Variants in TXNL1 observed in about 807,000 individuals in gnomAD.
TXNL1 encodes the protein thioredoxin-like protein 1.
Under a neutral mutation model 35.5 loss-of-function variants are expected in TXNL1, and 14 were observed. That is an observed-to-expected ratio of 0.39 (90% CI 0.26 to 0.62). TXNL1 has a LOEUF of 0.62. Among genes scored for constraint, TXNL1 ranks in the 20% least tolerant of loss-of-function variants. TXNL1 has a pLI of 0.47. For synonymous variants in TXNL1, 110 were observed against 115.5 expected, an observed-to-expected ratio of 0.95 and a Z score of 0.31; for missense variants, 263 against 349.7, an observed-to-expected ratio of 0.75 and a Z score of 1.98.
chr18:56,614,989 A>C (rs1196212759), intron 5 of TXNL1, among the ~76,000 whole-genome samples: 1 of 152,238 alleles, frequency 6.6e-6, no homozygotes, highest in Non-Finnish European at 1.5e-5. Flanking sequence ...AGTTTCATAA[A>C]AGAAATAGCA....
At chr18:56,619,555 A>C (rs913220185) in intron 3 of TXNL1, among the ~76,000 whole-genome samples, 3 of 149,988 alleles carry the variant, frequency 2.0e-5, no homozygotes, top group African/African-American at 7.6e-5. Context: ...AAAAAAAAAA[A>C]AAAAATTGTA....
chr18:56,615,261 C>A (rs1255743359), intron 5 of TXNL1, among the ~76,000 whole-genome samples: 2 of 151,632 alleles, frequency 1.3e-5, no homozygotes, highest in African/African-American at 2.4e-5. Context: ...TTTGCTTATA[C>A]AAATACTTTG....
chr18:56,611,683 A>G (rs2144290741), intron 6 of TXNL1, among the ~76,000 whole-genome samples: 1 of 151,900 alleles, frequency 6.6e-6, no homozygotes, highest in East Asian at 2.0e-4. Context: ...CAGAGTCACA[A>G]TTAAATTCTC....
In TXNL1 at chr18:56,603,061, A is replaced by G. The variant is rs1376920875; in HGVS notation, c.841-5T>C. 1 of 1,612,366 alleles carries G rather than the reference A, an allele frequency of 6.2e-7. No homozygotes were observed. Among genetic ancestry groups the G allele is most frequent in the Non-Finnish European group, 8.5e-7 (1 of 1,178,618 alleles). On this transcript the variant is annotated splice_polypyrimidine_tract_variant and splice_region_variant and intron_variant, in intron 7 of 7. Coordinates refer to ENST00000217515, the MANE Select transcript of TXNL1 (RefSeq NM_004786.3). ...TTCTCCTTTTTTGCCAACTACCTAGAAAAACAAAAATAAGTTTATATGTAC... is the reference window on the plus strand; with the variant it reads ...TTCTCCTTTTTTGCCAACTACCTAGGAAAACAAAAATAAGTTTATATGTAC...
chr18:56,629,734 A>C (rs2024341421), intron 1 of TXNL1, among the ~76,000 whole-genome samples: 1 of 152,208 alleles, frequency 6.6e-6, no homozygotes, highest in Non-Finnish European at 1.5e-5. Context: ...CTGCATTTAC[A>C]CAGGTGTCAC....
intron 3 of TXNL1, among the ~76,000 whole-genome samples, chr18:56,618,768 A>C (rs2024131541): frequency 6.6e-6 from 1 of 152,126 alleles, no homozygotes; most frequent in Admixed American, 6.5e-5. Context: ...CTTAAAAAAA[A>C]ACATTCTCAA....
At chr18:56,633,702 T>C (rs963887039) in intron 1 of TXNL1, among the ~76,000 whole-genome samples, 7 of 151,232 alleles carry the variant, frequency 4.6e-5, no homozygotes, top group South Asian at 2.1e-4. Flanking sequence ...ATAAAAACCA[T>C]TGGCTGGGTG....
Position 56,638,398 on chromosome 18 carries a change from G to A in TXNL1, c.43C>T (p.Pro15Ser). The change falls in exon 1 of 8, where the codon CCA (proline) becomes TCA (serine). Residue 15 changes from proline (P) to serine (S), a missense_variant. Physicochemically the swap from Pro to Ser is moderately conservative, Grantham distance 74. Transcript: ENST00000217515. Reference sequence around the variant, plus strand: ...CTGGAGCCCGCGCCGCTCAGCTCTGGCTGGAAATCCGGGTCGCTCCCGACG... The same window carrying A: ...CTGGAGCCCGCGCCGCTCAGCTCTGACTGGAAATCCGGGTCGCTCCCGACG... Reference protein sequence around the residue: ...KPVGSDPDFQPELSGAGSRLA... With the variant: ...KPVGSDPDFQSELSGAGSRLA... 6.2e-7 allele frequency: 1 copy of A among 1,613,630 alleles called. No homozygotes were observed. The highest frequency in any genetic ancestry group is 2.2e-5 in the East Asian group (1 of 44,850).
intron 6 of TXNL1, 140 bp from the exon 7 acceptor site, chr18:56,611,237 C>T (rs895485853): frequency 5.6e-6 from 3 of 534,070 alleles, no homozygotes; most frequent in Non-Finnish European, 9.6e-6. Flanking sequence ...CAGTGGCTCA[C>T]GTCTGTAATC....
At position 56,598,159 on chromosome 18, in the gene TXNL1, T is replaced by C. The variant is rs1433937143; in HGVS notation, c.*4868A>G. The C allele has an allele frequency of 6.6e-6, 1 of 152,216 alleles. No individual in the cohort carries two copies. The highest frequency in any genetic ancestry group is 2.1e-4 in the South Asian group (1 of 4,834). 9.4% of individuals were successfully genotyped at this position (152,216 alleles called of 1,614,324 possible). ...TCCTCAACTGCATATTCCTACTTTA[T>C]CTCTGACTCAACCCAAGCATCTCCC... is the stretch of plus-strand genomic sequence containing the variant. On this transcript the variant is annotated 3_prime_UTR_variant, in exon 8 of 8. Transcript: ENST00000217515.
Position 56,627,910 on chromosome 18 carries a change from T to C in TXNL1, c.99-1453A>G, listed in dbSNP as rs543371129. 2.0e-5 allele frequency among the ~76,000 whole-genome samples: 3 copies of C among 151,000 alleles called. No individual in the cohort carries two copies. In the South Asian group the frequency reaches 6.3e-4, roughly 31 times the overall value. ...GACTATATTTGATAAACTGGAAGAT[T>C]AAAACCTTTTATTCATCAAAAAATG... On this transcript the variant is annotated intron_variant, in intron 1 of 7. Transcript: ENST00000217515.
chr18:56,621,208 T>A (rs1285779415), intron 3 of TXNL1, among the ~76,000 whole-genome samples: 2 of 123,040 alleles, frequency 1.6e-5, no homozygotes, highest in East Asian at 1.9e-4. Context: ...ATATGTATTT[T>A]TTTTTTTTTT....
chr18:56,600,283 T>G lies in TXNL1; in HGVS notation c.*2744A>C, dbSNP rs1048132524. On this transcript the variant is annotated 3_prime_UTR_variant, in exon 8 of 8. Transcript: ENST00000217515. ...GATGGCAGACAGGTTTCAACTCTAA[T>G]TGTTAAGTGGCTGCCTCCAACAGAA... 6.6e-6 allele frequency: 1 copy of G among 152,270 alleles called. No homozygotes were observed. Among genetic ancestry groups the G allele is most frequent in the African/African-American group, 2.4e-5 (1 of 41,446 alleles). The allele number at this position is 152,270 out of a possible 1,614,324, so 9.4% of individuals were successfully genotyped here.
chr18:56,615,906 G>T (rs2024078526), intron 5 of TXNL1, among the ~76,000 whole-genome samples: 1 of 152,094 alleles, frequency 6.6e-6, no homozygotes, highest in South Asian at 2.1e-4. Flanking sequence ...AAGGTGGGTG[G>T]ATCACTTGGG....
rs2023803286 is a variant in TXNL1, at chr18:56,600,951, G to C, written c.*2076C>G. ...CAATGTATCAAAATACAGAGATCAT[G>C]AAATTCTTTTTTGCTATGTCCGACA... On this transcript the variant is annotated 3_prime_UTR_variant, in exon 8 of 8. Coordinates refer to ENST00000217515, the MANE Select transcript of TXNL1 (RefSeq NM_004786.3). 1 of 152,164 alleles carries C rather than the reference G, an allele frequency of 6.6e-6. No homozygotes were observed. Among genetic ancestry groups the C allele is most frequent in the Admixed American group, 6.6e-5 (1 of 15,266 alleles). The allele number at this position is 152,164 out of a possible 1,614,324, so 9.4% of individuals were successfully genotyped here.
intron 1 of TXNL1, among the ~76,000 whole-genome samples, chr18:56,627,268 T>A (rs2024300920): frequency 1.3e-5 from 2 of 152,158 alleles, no homozygotes; most frequent in Non-Finnish European, 2.9e-5. Flanking sequence ...AAAACCTAAA[T>A]AAATGGAGGA....
intron 1 of TXNL1, among the ~76,000 whole-genome samples, chr18:56,634,736 T>G (rs567624162): frequency 6.6e-6 from 1 of 152,294 alleles, no homozygotes; most frequent in East Asian, 1.9e-4. Flanking sequence ...GGAGAAATCT[T>G]CATGACATTG....
intron 3 of TXNL1, among the ~76,000 whole-genome samples, chr18:56,623,296 C>T (rs1416539442): frequency 6.6e-6 from 1 of 152,044 alleles, no homozygotes; most frequent in African/African-American, 2.4e-5. Context: ...GGCATGGTGG[C>T]AGGTGCCTGT....
At chr18:56,638,175 TGGG>T (rs1443711096) in intron 1 of TXNL1, among the ~76,000 whole-genome samples, 165 bp downstream of exon 1, 2 of 152,034 alleles carry the variant, frequency 1.3e-5, no homozygotes, top group Non-Finnish European at 2.9e-5. Flanking sequence ...TGTGCATAAA[TGGG>T]GGTTCACACC....
Sources: gnomAD v4.1 joint callset for allele counts (sites outside exome capture counted in the v4.1 genomes callset) on GRCh38, gnomAD v4.1.1 for gene constraint, MANE v1.5 for transcripts, NCBI Gene and HGNC (gene_info 2026-07-23, HGNC 2026-07-21) for gene names.